DPYD: variants seen among roughly 807,000 people sequenced by gnomAD.
The protein encoded by DPYD is dihydropyrimidine dehydrogenase [NADP(+)].
In DPYD, 109 loss-of-function variants were observed where a neutral mutation model predicts 116.2. The observed-to-expected ratio is 0.94, with a 90% CI of 0.80 to 1.10. The LOEUF (loss-of-function observed/expected upper bound fraction) is 1.10, where lower values mean the gene tolerates loss of function less well. DPYD is among the 50% of genes least tolerant of loss of function. DPYD has a pLI of 0.00. For missense variants in DPYD, 1,302 were observed against 1,254.5 expected (o/e 1.04, Z -0.57); for synonymous variants, 440 against 432.0 (o/e 1.02, Z -0.23).
At chr1:97,812,267 A>C (rs546587218) in intron 3 of DPYD, among the ~76,000 whole-genome samples, 16 of 152,246 alleles carry the variant, frequency 1.1e-4, no homozygotes, top group Non-Finnish European at 1.8e-4. Context: ...ATACCTTAGC[A>C]CCCAGCCTTG....
At chr1:97,582,703 T>G (rs1653778537) in intron 10 of DPYD, among the ~76,000 whole-genome samples, 1 of 152,330 alleles carries the variant, frequency 6.6e-6, no homozygotes, top group African/African-American at 2.4e-5. Context: ...ATTACAGGCT[T>G]CATTCACATA....
At chr1:97,822,186 T>C (rs1668974268) in intron 3 of DPYD, among the ~76,000 whole-genome samples, 1 of 151,090 alleles carries the variant, frequency 6.6e-6, no homozygotes, top group Non-Finnish European at 1.5e-5. Context: ...GCATTTTTTA[T>C]ATTCAGTTGA....
chr1:97,279,321 G>T (rs1037328586), intron 18 of DPYD, among the ~76,000 whole-genome samples: 1 of 152,064 alleles, frequency 6.6e-6, no homozygotes, highest in African/African-American at 2.4e-5. Context: ...TCAACATGTA[G>T]AACTCCCAAA....
chr1:97,623,793 C>A (rs1309954091), intron 8 of DPYD, among the ~76,000 whole-genome samples: 1 of 151,652 alleles, frequency 6.6e-6, no homozygotes, highest in African/African-American at 2.4e-5. Flanking sequence ...ACACATCAAC[C>A]AAGGGAACAG....
chr1:97,154,558 C>T (rs1655291153), intron 20 of DPYD, among the ~76,000 whole-genome samples: 1 of 152,008 alleles, frequency 6.6e-6, no homozygotes, highest in Non-Finnish European at 1.5e-5. Context: ...GGGTTGAAGA[C>T]CAGCCTGGTC....
intron 3 of DPYD, among the ~76,000 whole-genome samples, chr1:97,761,966 G>C (rs1665599085): frequency 6.6e-6 from 1 of 152,080 alleles, no homozygotes. Flanking sequence ...GAGTATATAT[G>C]AGCACAAGGA....
At chr1:97,334,463 AAAAC>A (rs112876933) in intron 16 of DPYD, among the ~76,000 whole-genome samples, 6 of 151,740 alleles carry the variant, frequency 4.0e-5, no homozygotes, top group African/African-American at 1.5e-4. Flanking sequence ...TCTACATTAA[AAAAC>A]AAACAAACAA....
rs112658989 is a variant in DPYD, at chr1:97,899,106, T to G, written c.40-15732A>C. On this transcript the variant is annotated intron_variant, in intron 1 of 22. Coordinates refer to ENST00000370192, the MANE Select transcript of DPYD (RefSeq NM_000110.4). ...AGACAAGAGTGTTTTGTTTTGTTTT[T>G]TTTTTTAATGCCAAAGGCCTTGGGC... 3.8e-3 allele frequency among the ~76,000 whole-genome samples: 574 copies of G among 151,814 alleles called. 7 individuals are homozygous for G. The highest frequency in any genetic ancestry group is 0.02 in the Middle Eastern group (6 of 294).
chr1:97,366,659 C>A (rs1226802861), intron 16 of DPYD, among the ~76,000 whole-genome samples: 1 of 152,098 alleles, frequency 6.6e-6, no homozygotes, highest in African/African-American at 2.4e-5. Flanking sequence ...GGATAATTCT[C>A]CACATACATA....
At chr1:97,905,431 A>G (rs946677876) in intron 1 of DPYD, among the ~76,000 whole-genome samples, 1 of 152,070 alleles carries the variant, frequency 6.6e-6, no homozygotes, top group Non-Finnish European at 1.5e-5. Context: ...GTTTTATAAC[A>G]CATCTAAATG....
In DPYD at chr1:97,274,214, G is replaced by C. The variant is rs1369820986; in HGVS notation, c.2299+31045C>G. On this transcript the variant is annotated intron_variant, in intron 18 of 22. Coordinates refer to ENST00000370192, the MANE Select transcript of DPYD (RefSeq NM_000110.4). The stretch of plus-strand genomic sequence containing the variant: ...GTATATTTGTCCCCTCCAAATCTCA[G>C]GTTGAAATGTAATCCCCGCTGTCAG... Among the ~76,000 whole-genome samples, 4 of 152,126 alleles carry C rather than the reference G, an allele frequency of 2.6e-5. No individual in the cohort carries two copies. The East Asian group carries it at 7.7e-4, about 29-fold the overall frequency.
At chr1:97,596,635 C>T (rs1654906319) in intron 8 of DPYD, among the ~76,000 whole-genome samples, 7 of 152,134 alleles carry the variant, frequency 4.6e-5, no homozygotes, top group Admixed American at 4.6e-4. Flanking sequence ...GGGCAATGGA[C>T]ATTTGCTGGT....
At chr1:97,186,859 T>A (rs968238722) in intron 20 of DPYD, among the ~76,000 whole-genome samples, 1 of 151,732 alleles carries the variant, frequency 6.6e-6, no homozygotes, top group African/African-American at 2.4e-5. Flanking sequence ...AATAAATAAA[T>A]AAAAATAAAT....
intron 3 of DPYD, among the ~76,000 whole-genome samples, chr1:97,741,804 A>C (rs1026353576): frequency 2.6e-5 from 4 of 152,084 alleles, no homozygotes; most frequent in Non-Finnish European, 1.5e-5. Flanking sequence ...ATCTGGGTGA[A>C]ATATAGCATG....
At chr1:97,251,391 TAAAAAAAAAAA>T (rs10581072) in intron 18 of DPYD, among the ~76,000 whole-genome samples, 2 of 95,360 alleles carry the variant, frequency 2.1e-5, no homozygotes, top group Non-Finnish European at 3.9e-5. Flanking sequence ...AAACTCTGTC[TAAAAAAAAAAA>T]AAAAAAAAAA....
At chr1:97,290,940 G>A (rs1372547552) in intron 18 of DPYD, among the ~76,000 whole-genome samples, 1 of 151,814 alleles carries the variant, frequency 6.6e-6, no homozygotes, top group Non-Finnish European at 1.5e-5. Flanking sequence ...CTACTCATCT[G>A]ACAAAGGGCT....
intron 12 of DPYD, among the ~76,000 whole-genome samples, chr1:97,544,292 G>A (rs953956223): frequency 1.3e-5 from 2 of 152,080 alleles, no homozygotes; most frequent in African/African-American, 4.8e-5. Context: ...TTAGCACTTT[G>A]CATCCAACAC....
intron 16 of DPYD, among the ~76,000 whole-genome samples, chr1:97,317,835 G>C (rs1470621379): frequency 2.6e-5 from 4 of 151,864 alleles, no homozygotes; most frequent in Admixed American, 2.6e-4. Flanking sequence ...TTACTATTGA[G>C]GCAATTTTAA....
chr1:97,897,314 G>A (rs1009943018), intron 1 of DPYD, among the ~76,000 whole-genome samples: 6 of 151,692 alleles, frequency 4.0e-5, no homozygotes, highest in South Asian at 2.1e-4. Context: ...TCCTCTAGCC[G>A]CTCTGAAGAT....
Sources: gnomAD v4.1 joint callset for allele counts (sites outside exome capture counted in the v4.1 genomes callset) on GRCh38, gnomAD v4.1.1 for gene constraint, MANE v1.5 for transcripts, NCBI Gene and HGNC (gene_info 2026-07-23, HGNC 2026-07-21) for gene names.